The following EYS variants were observed in gnomAD, a reference collection of about 807,000 sequenced individuals.
EYS encodes the protein protein eyes shut homolog.
In EYS, 250 loss-of-function variants were observed where a neutral mutation model predicts 282.1. That is an observed-to-expected ratio of 0.89 (90% CI 0.80 to 0.98). The LOEUF (loss-of-function observed/expected upper bound fraction) is 0.98. Among genes scored for constraint, EYS ranks in the 50% least tolerant of loss-of-function variants. EYS has a pLI of 0.00. For missense variants in EYS, 4,016 were observed against 3,709.0 expected, an observed-to-expected ratio of 1.08 and a Z score of -2.15; for synonymous variants, 1,355 against 1,282.9, an observed-to-expected ratio of 1.06 and a Z score of -1.20.
At chr6:64,386,859 T>C (rs879716397) in intron 29 of EYS, among the ~76,000 whole-genome samples, 1 of 152,170 alleles carries the variant, frequency 6.6e-6, no homozygotes, top group Non-Finnish European at 1.5e-5. Flanking sequence ...TTTCTTACGA[T>C]GTAGTCCTAA....
intron 33 of EYS, among the ~76,000 whole-genome samples, chr6:64,031,333 G>T (rs539299551): frequency 1.3e-5 from 2 of 152,226 alleles, no homozygotes; most frequent in Non-Finnish European, 2.9e-5. Context: ...TTTCTCGCCA[G>T]GCCTTAGCTG....
chr6:63,767,795 G>A (rs761381449), intron 40 of EYS, among the ~76,000 whole-genome samples: 14 of 152,092 alleles, frequency 9.2e-5, no homozygotes, highest in Admixed American at 3.9e-4. Flanking sequence ...GAACAAGGCC[G>A]GAGACATCAC....
intron 29 of EYS, among the ~76,000 whole-genome samples, chr6:64,315,334 G>A (rs993376929): frequency 2.0e-5 from 3 of 152,044 alleles, no homozygotes; most frequent in Non-Finnish European, 4.4e-5. Context: ...TTCTACCAGA[G>A]GTACAAAGAG....
chr6:65,596,450 A>G (rs1021044088), intron 2 of EYS, among the ~76,000 whole-genome samples: 1 of 152,122 alleles, frequency 6.6e-6, no homozygotes, highest in African/African-American at 2.4e-5. Flanking sequence ...AAAGGCCTAC[A>G]TTACTGAATA....
chr6:64,149,099 T>G (rs903829649), intron 31 of EYS, among the ~76,000 whole-genome samples: 1 of 152,192 alleles, frequency 6.6e-6, no homozygotes, highest in South Asian at 2.1e-4. Flanking sequence ...GACATAGATA[T>G]CATTTTTCAG....
chr6:65,130,142 C>T (rs1286456363), intron 12 of EYS, among the ~76,000 whole-genome samples: 1 of 151,652 alleles, frequency 6.6e-6, no homozygotes, highest in Non-Finnish European at 1.5e-5. Context: ...AAAAAATAGA[C>T]ACTGGAGCCT....
intron 14 of EYS, among the ~76,000 whole-genome samples, chr6:64,953,239 G>A (rs1206264458): frequency 6.6e-6 from 1 of 151,438 alleles, no homozygotes; most frequent in Non-Finnish European, 1.5e-5. Context: ...TGTGCTTTGT[G>A]AAACTTTCTA....
intron 35 of EYS, among the ~76,000 whole-genome samples, chr6:63,947,480 G>C (rs1765433241): frequency 6.6e-6 from 1 of 151,898 alleles, no homozygotes; most frequent in Non-Finnish European, 1.5e-5. Context: ...GCTGGATTTT[G>C]ATTGAATTAT....
intron 19 of EYS, among the ~76,000 whole-genome samples, chr6:64,840,639 G>A (rs1161431494): frequency 6.6e-6 from 1 of 151,996 alleles, no homozygotes; most frequent in Non-Finnish European, 1.5e-5. Flanking sequence ...AGAACTAAAG[G>A]TAAATCCATG....
At chr6:64,597,499 T>C (rs1260056461) in intron 24 of EYS, among the ~76,000 whole-genome samples, 1 of 152,154 alleles carries the variant, frequency 6.6e-6, no homozygotes, top group Non-Finnish European at 1.5e-5. Context: ...AATGGTGGTA[T>C]ATATACACAA....
At chr6:64,291,363 T>C (rs1357364690) in intron 30 of EYS, among the ~76,000 whole-genome samples, 2 of 152,134 alleles carry the variant, frequency 1.3e-5, no homozygotes, top group East Asian at 1.9e-4. Context: ...AAATGATTCA[T>C]TTCAAATTAT....
chr6:65,645,777 T>C (rs1767429262), intron 1 of EYS, among the ~76,000 whole-genome samples: 1 of 152,094 alleles, frequency 6.6e-6, no homozygotes, highest in Admixed American at 6.6e-5. Flanking sequence ...GATAGGCTGT[T>C]AGTGAGATTA....
At chr6:65,598,225 CT>C (rs1482290728) in intron 2 of EYS, among the ~76,000 whole-genome samples, 45 of 73,064 alleles carry the variant, frequency 6.2e-4, no homozygotes, top group African/African-American at 9.1e-4. Flanking sequence ...TGAGAAGACC[CT>C]CCTCCCCACC....
intron 29 of EYS, among the ~76,000 whole-genome samples, chr6:64,309,359 A>T (rs372548136): frequency 1.8e-3 from 270 of 152,350 alleles, no homozygotes; most frequent in African/African-American, 6.3e-3. Context: ...ATTATGAATT[A>T]AAAATGCATA....
chr6:64,403,925 T>C (rs1159461635), intron 28 of EYS, among the ~76,000 whole-genome samples: 2 of 152,134 alleles, frequency 1.3e-5, no homozygotes, highest in Non-Finnish European at 2.9e-5. Flanking sequence ...TCCAGTTTTT[T>C]GTTCGTGAAT....
rs551140519 is a variant in EYS, at chr6:64,098,516, A to T, written c.6425-16514T>A. Among the ~76,000 whole-genome samples, 33 of 152,298 alleles carry T rather than the reference A, an allele frequency of 2.2e-4. No homozygotes were observed. The South Asian group carries it at 6.2e-3, about 29-fold the overall frequency. The stretch of plus-strand genomic sequence containing the variant: ...GAATACAAATAAACACATGGATGAT[A>T]AAGATAACTCAGGGTAGTGTTTATT... On this transcript the variant is annotated intron_variant, in intron 31 of 42. Transcript: ENST00000503581.
chr6:64,244,050 A>C (rs1172934627), intron 30 of EYS, among the ~76,000 whole-genome samples: 1 of 152,162 alleles, frequency 6.6e-6, no homozygotes, highest in African/African-American at 2.4e-5. Context: ...CTCCATAAAA[A>C]CTATTAGAAA....
chr6:64,073,408 T>A (rs896189152), intron 32 of EYS, among the ~76,000 whole-genome samples: 1 of 151,756 alleles, frequency 6.6e-6, no homozygotes, highest in Admixed American at 6.6e-5. Flanking sequence ...TCAAATCAAT[T>A]GACTTTGTAT....
At chr6:65,221,594 G>A (rs1766467123) in intron 12 of EYS, among the ~76,000 whole-genome samples, 1 of 152,218 alleles carries the variant, frequency 6.6e-6, no homozygotes, top group Non-Finnish European at 1.5e-5. Context: ...CAGGGGCAGG[G>A]CCCTCATGGA....
Sources: gnomAD v4.1 joint callset for allele counts (sites outside exome capture counted in the v4.1 genomes callset) on GRCh38, gnomAD v4.1.1 for gene constraint, MANE v1.5 for transcripts, NCBI Gene and HGNC (gene_info 2026-07-23, HGNC 2026-07-21) for gene names.